CNIH3: variants seen among roughly 807,000 people sequenced by gnomAD.
CNIH3 encodes the protein cornichon family AMPA receptor auxiliary protein 3, also known as protein cornichon homolog 3.
Under a neutral mutation model 24.1 loss-of-function variants are expected in CNIH3, and 14 were observed. That is an observed-to-expected ratio of 0.58 (90% CI 0.38 to 0.91). The LOEUF (loss-of-function observed/expected upper bound fraction) is 0.91, where lower values mean the gene tolerates loss of function less well. Among genes scored for constraint, CNIH3 ranks in the 40% least tolerant of loss-of-function variants. The pLI, the probability that CNIH3 is intolerant of heterozygous loss-of-function variation, is 0.00. For synonymous variants in CNIH3, 68 were observed against 73.8 expected (o/e 0.92, Z 0.40); for missense variants, 178 against 196.8 (o/e 0.90, Z 0.57).
chr1:224,712,211 C>G (rs79637264), intron 3 of CNIH3, among the ~76,000 whole-genome samples: 244 of 152,302 alleles, frequency 1.6e-3, no homozygotes, highest in Non-Finnish European at 2.9e-3. Context: ...GTTCCCAAAC[C>G]TGGTTGCATA....
chr1:224,479,875 C>T (rs1322504307), intron 1 of CNIH3, among the ~76,000 whole-genome samples: 1 of 152,190 alleles, frequency 6.6e-6, no homozygotes, highest in Non-Finnish European at 1.5e-5. Context: ...GCACATGCTG[C>T]AAGCTGTCAG....
intron 1 of CNIH3, among the ~76,000 whole-genome samples, chr1:224,450,022 A>G (rs887062439): frequency 4.0e-5 from 6 of 151,586 alleles, no homozygotes; most frequent in South Asian, 2.1e-4. Flanking sequence ...ACACACACAC[A>G]CGCACACACA....
chr1:224,447,662 T>A (rs1372215075), intron 1 of CNIH3, among the ~76,000 whole-genome samples: 1 of 152,234 alleles, frequency 6.6e-6, no homozygotes, highest in Non-Finnish European at 1.5e-5. Context: ...AAGAGGGCAT[T>A]GTCCCTTACC....
At chr1:224,690,653 G>A (rs1304004608) in intron 3 of CNIH3, among the ~76,000 whole-genome samples, 2 of 152,190 alleles carry the variant, frequency 1.3e-5, no homozygotes, top group Non-Finnish European at 2.9e-5. Flanking sequence ...TTTCCCCAAG[G>A]ATTTGTCCAG....
intron 1 of CNIH3, among the ~76,000 whole-genome samples, chr1:224,630,373 T>G (rs910214129): frequency 6.6e-6 from 1 of 152,084 alleles, no homozygotes; most frequent in African/African-American, 2.4e-5. Flanking sequence ...GGAAATGAAG[T>G]AGGTTGTTAG....
At chr1:224,507,481 C>T (rs115334941) in intron 1 of CNIH3, among the ~76,000 whole-genome samples, 182 of 152,288 alleles carry the variant, frequency 1.2e-3, no homozygotes, top group African/African-American at 4.1e-3. Flanking sequence ...GTGCCTAGCA[C>T]ATCATAAATT....
intron 5 of CNIH3, among the ~76,000 whole-genome samples, chr1:224,737,354 C>T (rs1009646868): frequency 6.6e-6 from 1 of 152,180 alleles, no homozygotes; most frequent in Non-Finnish European, 1.5e-5. Flanking sequence ...TTTGGCCCTG[C>T]CTTCATGATA....
chr1:224,675,559 CA>C, intron 1 of CNIH3, among the ~76,000 whole-genome samples: 1 of 152,216 alleles, frequency 6.6e-6, no homozygotes, highest in African/African-American at 2.4e-5. Context: ...ACAATATTTG[CA>C]AATTACATAT....
intron 3 of CNIH3, among the ~76,000 whole-genome samples, chr1:224,694,627 C>T (rs942608837): frequency 3.3e-5 from 5 of 152,154 alleles, no homozygotes; most frequent in African/African-American, 1.2e-4. Context: ...AAGACACATG[C>T]ACACACATGT....
intron 1 of CNIH3, chr1:224,454,422 A>G: frequency 1.6e-6 from 1 of 630,540 alleles, no homozygotes; most frequent in Non-Finnish European, 2.0e-6. Context: ...CAGGAGAACC[A>G]GTTCTCTCTT....
chr1:224,577,671 A>G (rs1357660460), intron 4 of CNIH3, among the ~76,000 whole-genome samples: 1 of 152,232 alleles, frequency 6.6e-6, no homozygotes, highest in Non-Finnish European at 1.5e-5. Flanking sequence ...TAAAGAACTG[A>G]AAGTATTGTA....
rs760624445 is a variant in CNIH3 at position 224,506,269 on chromosome 1, ACGCGCG to A, written n.204-9458_204-9453del. Among the ~76,000 whole-genome samples the A allele has an allele frequency of 8.6e-4, 112 of 130,844 alleles. 1 individual carries two copies. Among genetic ancestry groups the A allele is most frequent in the African/African-American group, 3.1e-3 (106 of 33,726 alleles). The allele number at this position is 130,844 out of a possible 152,430, so 85.8% of individuals were successfully genotyped here. A position where few individuals can be genotyped will look rare whatever the true frequency, so the allele number is the denominator to read the frequency against. On this transcript the variant is annotated intron_variant and non_coding_transcript_variant, in intron 1 of 5. Transcript: ENST00000471578. ...ATTCCTTACACTCATATGCACGCAC[ACGCGCG>A]CGCGCGCGCGCGCACACACACACAC...
At position 224,640,546 on chromosome 1, in the gene CNIH3, C is replaced by T. The variant is rs138614901; in HGVS notation, c.81+23291C>T. ...GACTCTCAGACCCTTTTGTGTCTCT[C>T]CTTTTCTGCGATCTGAATAATTTAT... On this transcript the variant is annotated intron_variant, in intron 1 of 5. Transcript: ENST00000272133. Among the ~76,000 whole-genome samples the T allele has an allele frequency of 3.6e-3, 556 of 152,342 alleles. 4 individuals are homozygous for T. The highest frequency in any genetic ancestry group is 0.013 in the African/African-American group (530 of 41,580).
intron 1 of CNIH3, among the ~76,000 whole-genome samples, chr1:224,673,942 C>G (rs2125133811): frequency 6.6e-6 from 1 of 152,284 alleles, no homozygotes; most frequent in African/African-American, 2.4e-5. Flanking sequence ...TGGGTTGTCC[C>G]TCATTCATCA....
At position 224,739,233 on chromosome 1, in the gene CNIH3, G is replaced by A. The variant is rs1312888410; in HGVS notation, c.456-96G>A. 4 of 1,536,124 alleles carry A rather than the reference G, an allele frequency of 2.6e-6. No individual in the cohort carries two copies. In the African/African-American group the frequency reaches 4.2e-5, roughly 16 times the overall value. On this transcript the variant is annotated intron_variant, in intron 5 of 5. Coordinates refer to ENST00000272133, the MANE Select transcript of CNIH3 (RefSeq NM_152495.2). ...GAGAAGCCAAGGGGTCTGGCCTCTG[G>A]AAGGTCCCTCTCCTGAGGGGCAGCC...
intron 1 of CNIH3, among the ~76,000 whole-genome samples, chr1:224,653,714 A>G (rs1453799294): frequency 1.3e-5 from 2 of 152,212 alleles, no homozygotes; most frequent in Admixed American, 6.5e-5. Flanking sequence ...TTTTAATACT[A>G]CCTCAAGAGT....
intron 2 of CNIH3, among the ~76,000 whole-genome samples, chr1:224,526,466 C>T (rs1678851596): frequency 6.6e-6 from 1 of 152,178 alleles, no homozygotes; most frequent in Admixed American, 6.5e-5. Context: ...GACACCGGAG[C>T]TGCTCGTGCC....
chr1:224,626,787 G>A (rs1683555339), intron 1 of CNIH3, among the ~76,000 whole-genome samples: 1 of 152,150 alleles, frequency 6.6e-6, no homozygotes, highest in Non-Finnish European at 1.5e-5. Flanking sequence ...CAACCCCACA[G>A]GTAGACTTTA....
At chr1:224,542,680 G>A (rs1374977005) in intron 2 of CNIH3, among the ~76,000 whole-genome samples, 1 of 152,162 alleles carries the variant, frequency 6.6e-6, no homozygotes, top group African/African-American at 2.4e-5. Context: ...TTGGAGAATG[G>A]ACCAAGAGAG....
Sources: allele counts gnomAD v4.1 joint callset (sites outside exome capture counted in the v4.1 genomes callset), GRCh38; gene constraint gnomAD v4.1.1; transcripts MANE v1.5; gene names NCBI Gene and HGNC (gene_info 2026-07-23, HGNC 2026-07-21).